The following RB1 variants were observed in gnomAD, a reference collection of about 807,000 sequenced individuals.
The protein encoded by RB1 is retinoblastoma-associated protein.
In RB1, 18 loss-of-function variants were observed where a neutral mutation model predicts 135.4. The observed-to-expected ratio is 0.13, with a 90% confidence interval of 0.09 to 0.20. RB1 has a LOEUF of 0.20. RB1 is among the 10% of genes least tolerant of loss of function. The probability of loss-of-function intolerance (pLI) is 1.00; values close to 1 mark genes in which losing one functional copy is unlikely to be tolerated. For missense variants in RB1, 868 were observed against 1,110.0 expected, an observed-to-expected ratio of 0.78 and a Z score of 3.10; for synonymous variants, 365 against 373.2, an observed-to-expected ratio of 0.98 and a Z score of 0.25.
At chr13:48,338,867 G>A (rs187135836) in intron 2 of RB1, among the ~76,000 whole-genome samples, 246 of 148,704 alleles carry the variant, frequency 1.7e-3, no homozygotes, top group Non-Finnish European at 2.4e-3. Flanking sequence ...TGTGGATGTC[G>A]TTTCTGTTTG....
intron 6 of RB1, among the ~76,000 whole-genome samples, chr13:48,349,982 G>A (rs962643622): frequency 6.6e-6 from 1 of 152,114 alleles, no homozygotes; most frequent in Non-Finnish European, 1.5e-5. Context: ...AATTCAGCAA[G>A]AGGATATAAC....
chr13:48,450,230 A>C (rs562219516), intron 17 of RB1, among the ~76,000 whole-genome samples: 1 of 151,870 alleles, frequency 6.6e-6, no homozygotes, highest in African/African-American at 2.4e-5. Context: ...GGTATTGCCT[A>C]GATTTTCTTC....
intron 2 of RB1, among the ~76,000 whole-genome samples, chr13:48,342,044 G>A (rs1177655604): frequency 6.6e-6 from 1 of 151,794 alleles, no homozygotes; most frequent in Non-Finnish European, 1.5e-5. Context: ...TACGCCAAAG[G>A]CTTTATAAAT....
At chr13:48,310,920 T>A (rs533005177) in intron 2 of RB1, among the ~76,000 whole-genome samples, 1 of 152,214 alleles carries the variant, frequency 6.6e-6, no homozygotes, top group South Asian at 2.1e-4. Flanking sequence ...ATTGTATTTA[T>A]GCTGATTATA....
intron 1 of RB1, among the ~76,000 whole-genome samples, chr13:48,306,361 C>T (rs1952080238): frequency 6.6e-6 from 1 of 152,206 alleles, no homozygotes; most frequent in Admixed American, 6.5e-5. Context: ...GCCATGATTT[C>T]ACCACTGCAC....
chr13:48,313,390 T>A (rs1952149435), intron 2 of RB1, among the ~76,000 whole-genome samples: 1 of 150,826 alleles, frequency 6.6e-6, no homozygotes, highest in South Asian at 2.1e-4. Context: ...TGGTGGTGGT[T>A]TTTTTTTTGG....
intron 17 of RB1, among the ~76,000 whole-genome samples, chr13:48,445,403 A>G (rs1344417190): frequency 1.3e-5 from 2 of 152,188 alleles, no homozygotes; most frequent in African/African-American, 4.8e-5. Context: ...ATGGTCTTTC[A>G]GATTCTGCGT....
intron 11 of RB1, among the ~76,000 whole-genome samples, chr13:48,370,208 C>A (rs989717519): frequency 1.3e-5 from 2 of 152,148 alleles, no homozygotes; most frequent in East Asian, 3.8e-4. Context: ...AATTGTGAAA[C>A]ATGTAAGTGG....
intron 2 of RB1, among the ~76,000 whole-genome samples, chr13:48,312,811 CTCTT>C (rs1952142872): frequency 6.6e-6 from 1 of 151,958 alleles, no homozygotes; most frequent in Non-Finnish European, 1.5e-5. Context: ...GTTTTAGTGC[CTCTT>C]TCTGACTAGT....
intron 2 of RB1, chr13:48,316,987 G>A (rs1024625275): frequency 4.3e-6 from 2 of 469,014 alleles, no homozygotes; most frequent in Admixed American, 3.7e-5. Flanking sequence ...ATGACCCTTC[G>A]TCAATACCTC....
At chr13:48,358,757 T>G (rs1348528057) in intron 6 of RB1, among the ~76,000 whole-genome samples, 1 of 152,110 alleles carries the variant, frequency 6.6e-6, no homozygotes, top group Non-Finnish European at 1.5e-5. Flanking sequence ...GGATACCGTT[T>G]GAGTTAGTCT....
At chr13:48,367,416 A>C in intron 9 of RB1, 78 bp from the exon 10 acceptor site, 1 of 1,487,832 alleles carries the variant, frequency 6.7e-7, no homozygotes, top group South Asian at 1.2e-5. Flanking sequence ...AAAATTCTTT[A>C]ATGAAATCTG....
rs550928210 is a variant in RB1 at position 48,466,573 on chromosome 13, G to A, written c.2489+1205G>A. Among the ~76,000 whole-genome samples the A allele has an allele frequency of 1.5e-4, 23 of 152,218 alleles. No individual in the cohort carries two copies. The South Asian group carries it at 4.4e-3, about 29-fold the overall frequency. ...GTTGGACGGAGAATGACTTTGACGAGCTGAGAGAAGAAGGTTTCAGACGAT... is the reference window on the plus strand; with the variant it reads ...GTTGGACGGAGAATGACTTTGACGAACTGAGAGAAGAAGGTTTCAGACGAT... On this transcript the variant is annotated intron_variant, in intron 23 of 26. Transcript: ENST00000267163.
In RB1 at chr13:48,319,442, T is replaced by C. The variant is rs1460239682; in HGVS notation, c.264+12036T>C. On this transcript the variant is annotated intron_variant, in intron 2 of 26. Coordinates refer to ENST00000267163, the MANE Select transcript of RB1 (RefSeq NM_000321.3). This position sits in a 1 kb window ranked among gnomAD's most constrained non-coding sequence, Gnocchi z 5.0. ...CGGGCGCCTGCGCCGCACTTGTGAC[T>C]TGCTTTCCCCTTCTCAGGGCGCCAG... 2 of 357,872 alleles carry C rather than the reference T, an allele frequency of 5.6e-6. No individual in the cohort carries two copies. The highest frequency in any genetic ancestry group is 1.4e-4 in the East Asian group (2 of 14,668). The allele number at this position is 357,872 out of a possible 1,614,324, so 22.2% of individuals were successfully genotyped here.
intron 2 of RB1, chr13:48,318,846 G>T: frequency 1.0e-6 from 1 of 991,480 alleles, no homozygotes; most frequent in South Asian, 1.3e-5. Flanking sequence ...CAAACTCCCC[G>T]ACTATGCCTT....
At chr13:48,335,966 T>A (rs1215529455) in intron 2 of RB1, among the ~76,000 whole-genome samples, 1 of 151,842 alleles carries the variant, frequency 6.6e-6, no homozygotes. Flanking sequence ...AGAAACCCCA[T>A]GAAAAAGTTG....
At position 48,425,895 on chromosome 13, in the gene RB1, G is replaced by C. The variant is rs74572065; in HGVS notation, c.1696-27098G>C. On this transcript the variant is annotated intron_variant, in intron 17 of 26. Transcript: ENST00000267163. ...ACAGACCAAGAAACTAAAATTCAGA[G>C]AAGTTGTGACTTGCTTAGGATTACA... Among the ~76,000 whole-genome samples the C allele has an allele frequency of 8.2e-3, 1,253 of 152,290 alleles. 15 individuals carry two copies. Among genetic ancestry groups the C allele is most frequent in the African/African-American group, 0.029 (1,196 of 41,552 alleles).
At chr13:48,316,994 C>A (rs1032521240) in intron 2 of RB1, 4 of 492,876 alleles carry the variant, frequency 8.1e-6, no homozygotes, top group Non-Finnish European at 1.4e-5. Flanking sequence ...TTCGTCAATA[C>A]CTCAGGTCTA....
At chr13:48,415,342 C>T (rs775419034) in intron 17 of RB1, among the ~76,000 whole-genome samples, 72 of 150,494 alleles carry the variant, frequency 4.8e-4, no homozygotes, top group African/African-American at 1.7e-3. Context: ...TGCAGTGGTG[C>T]GATCTTGTCT....
Sources: allele counts gnomAD v4.1 joint callset (sites outside exome capture counted in the v4.1 genomes callset), GRCh38; gene constraint gnomAD v4.1.1; non-coding constraint Gnocchi (gnomAD v3.1); transcripts MANE v1.5; gene names NCBI Gene and HGNC (gene_info 2026-07-23, HGNC 2026-07-21).